ADCY5: variants seen among roughly 807,000 people sequenced by gnomAD.
ADCY5 encodes the protein adenylate cyclase type 5.
Under a neutral mutation model 119.7 loss-of-function variants are expected in ADCY5, and 30 were observed. The observed-to-expected ratio is 0.25, with a 90% CI of 0.19 to 0.34. The LOEUF is 0.34. ADCY5 is among the 10% of genes least tolerant of loss of function. The pLI is 1.00. For missense variants in ADCY5, 1,324 were observed against 1,775.2 expected (o/e 0.75, Z 4.57); for synonymous variants, 753 against 762.2 (o/e 0.99, Z 0.20).
chr3:123,430,076 A>C (rs1945492598), intron 1 of ADCY5, among the ~76,000 whole-genome samples: 1 of 152,096 alleles, frequency 6.6e-6, no homozygotes, highest in Admixed American at 6.5e-5. Context: ...ACATCTGTCC[A>C]CGGCAAACAC....
chr3:123,308,082 G>A (rs570910334), intron 12 of ADCY5, among the ~76,000 whole-genome samples: 7 of 132,138 alleles, frequency 5.3e-5, no homozygotes, highest in African/African-American at 1.7e-4. Flanking sequence ...CGCCCAGGCT[G>A]GAGTGCAGTG....
chr3:123,418,162 T>C (rs1945225927), intron 1 of ADCY5, among the ~76,000 whole-genome samples: 1 of 152,230 alleles, frequency 6.6e-6, no homozygotes, highest in Non-Finnish European at 1.5e-5. Flanking sequence ...AGATCCCACC[T>C]TACCACCTGG....
chr3:123,342,856 G>T (rs1300330042), intron 3 of ADCY5, among the ~76,000 whole-genome samples: 1 of 152,128 alleles, frequency 6.6e-6, no homozygotes, highest in African/African-American at 2.4e-5. Flanking sequence ...AAACCTTTGG[G>T]GTGTTGAGTT....
chr3:123,338,395 G>T (rs1197101376), intron 3 of ADCY5, among the ~76,000 whole-genome samples: 1 of 152,172 alleles, frequency 6.6e-6, no homozygotes, highest in African/African-American at 2.4e-5. Context: ...CTGCAGCTTT[G>T]GGGGAGGATT....
chr3:123,375,911 C>T (rs62265764), intron 1 of ADCY5, among the ~76,000 whole-genome samples: 2 of 151,886 alleles, frequency 1.3e-5, no homozygotes, highest in African/African-American at 4.8e-5. Context: ...AGGAAGGCAG[C>T]CCACAGTCCC....
intron 1 of ADCY5, among the ~76,000 whole-genome samples, chr3:123,366,225 C>T (rs888653524): frequency 6.6e-6 from 1 of 152,198 alleles, no homozygotes; most frequent in Non-Finnish European, 1.5e-5. Flanking sequence ...TTCTGTTGGA[C>T]AGCACTGCTG....
chr3:123,336,080 A>G (rs542307041), intron 3 of ADCY5, among the ~76,000 whole-genome samples: 14 of 152,254 alleles, frequency 9.2e-5, no homozygotes, highest in Non-Finnish European at 1.9e-4. Flanking sequence ...AATGAAAGGG[A>G]ATTTGGATTC....
At chr3:123,316,141 A>G (rs144169486) in intron 11 of ADCY5, among the ~76,000 whole-genome samples, 117 of 152,346 alleles carry the variant, frequency 7.7e-4, no homozygotes, top group South Asian at 1.5e-3. Context: ...GCTATGGTAC[A>G]TGGAGAAGGA....
chr3:123,364,938 T>G (rs1425255918), intron 1 of ADCY5, among the ~76,000 whole-genome samples: 2 of 142,338 alleles, frequency 1.4e-5, no homozygotes, highest in Non-Finnish European at 3.0e-5. Flanking sequence ...TTTTTCACTT[T>G]TTTTTTTTTT....
intron 1 of ADCY5, among the ~76,000 whole-genome samples, chr3:123,357,076 G>T (rs1044330240): frequency 1.3e-5 from 2 of 152,172 alleles, no homozygotes; most frequent in African/African-American, 4.8e-5. Context: ...AGGGAGCAGT[G>T]GGTAGGGCTG....
At chr3:123,297,079 G>A (rs929980380) in intron 16 of ADCY5, 1 of 1,528,404 alleles carries the variant, frequency 6.5e-7, no homozygotes, top group African/African-American at 1.4e-5. Context: ...GAGGTTAAAT[G>A]CTTTAACATG....
At chr3:123,397,868 T>C (rs919458606) in intron 1 of ADCY5, among the ~76,000 whole-genome samples, 13 of 152,066 alleles carry the variant, frequency 8.5e-5, no homozygotes, top group Non-Finnish European at 1.6e-4. Context: ...GAGGAACTAA[T>C]AGGGTGAAAA....
chr3:123,400,534 G>C (rs949049432), intron 1 of ADCY5, among the ~76,000 whole-genome samples: 3 of 152,180 alleles, frequency 2.0e-5, no homozygotes, highest in African/African-American at 7.2e-5. Context: ...CTAATAATAG[G>C]AGAATGGGTA....
At chr3:123,426,299 G>GTTTTTTTTTTTT (rs750760543) in intron 1 of ADCY5, among the ~76,000 whole-genome samples, 4 of 97,940 alleles carry the variant, frequency 4.1e-5, no homozygotes, top group Admixed American at 9.7e-5. Context: ...TTTCTTTTGT[G>GTTTTTTTTTTTT]TTTTTTTTTT....
In ADCY5 at chr3:123,448,601, C is replaced by A; in HGVS notation, c.-56G>T. 7.9e-7 allele frequency: 1 copy of A among 1,261,420 alleles called. No homozygotes were observed. The highest frequency in any genetic ancestry group is 3.0e-5 in the South Asian group (1 of 32,854). 78.1% of individuals were successfully genotyped at this position (1,261,420 alleles called of 1,614,324 possible). Reference sequence around the variant, plus strand: ...CTCCCCCGGAAGCCGGGCCGGGGGTCTCCAAGGGGAGGGCGGACGGCCGAG... The same window carrying A: ...CTCCCCCGGAAGCCGGGCCGGGGGTATCCAAGGGGAGGGCGGACGGCCGAG... On this transcript the variant is annotated 5_prime_UTR_variant, in exon 1 of 21. Coordinates refer to ENST00000462833, the MANE Select transcript of ADCY5 (RefSeq NM_183357.3).
intron 1 of ADCY5, among the ~76,000 whole-genome samples, chr3:123,439,076 C>CTTTGTTTTTTTTTTTTTTTTTTT (rs1945675678): frequency 1.5e-5 from 1 of 64,728 alleles, no homozygotes; most frequent in African/African-American, 6.5e-5. Flanking sequence ...CCCTAAAGTG[C>CTTTGTTTTTTTTTTTTTTTTTTT]TTTTTTTTTT....
chr3:123,447,107 A>T (rs1358439672), intron 1 of ADCY5, among the ~76,000 whole-genome samples: 2 of 152,168 alleles, frequency 1.3e-5, no homozygotes, highest in Non-Finnish European at 2.9e-5. Flanking sequence ...AAGAGATGGG[A>T]AACACTCCTT....
chr3:123,346,388 A>G (rs1450630130), intron 3 of ADCY5, among the ~76,000 whole-genome samples: 1 of 152,228 alleles, frequency 6.6e-6, no homozygotes, highest in Non-Finnish European at 1.5e-5. Flanking sequence ...CTGACAGAGA[A>G]GCATGGGGGG....
At chr3:123,437,741 G>A (rs969448782) in intron 1 of ADCY5, among the ~76,000 whole-genome samples, 28 of 152,196 alleles carry the variant, frequency 1.8e-4, no homozygotes, top group Admixed American at 8.5e-4. Flanking sequence ...GGAATGGTCC[G>A]ACACTACTTC....
Sources: allele counts gnomAD v4.1 joint callset (sites outside exome capture counted in the v4.1 genomes callset), GRCh38; gene constraint gnomAD v4.1.1; transcripts MANE v1.5; gene names NCBI Gene and HGNC (gene_info 2026-07-23, HGNC 2026-07-21).